The following CACUL1 variants were observed in gnomAD, a reference collection of about 807,000 sequenced individuals.
The protein encoded by CACUL1 is CDK2 associated cullin domain 1, also known as CDK2-associated and cullin domain-containing protein 1.
A neutral mutation model predicts 45.2 loss-of-function variants in CACUL1; 13 were observed. The ratio of observed to expected loss-of-function variants is 0.29; its 90% CI spans 0.19 to 0.46. The LOEUF is 0.46. Among genes scored for constraint, CACUL1 ranks in the 20% least tolerant of loss-of-function variants. CACUL1 has a pLI of 1.00. For synonymous variants in CACUL1, 197 were observed against 174.2 expected (o/e 1.13, Z -1.03); for missense variants, 421 against 471.4 (o/e 0.89, Z 0.99).
At chr10:118,723,423 C>A (rs1845620192) in intron 3 of CACUL1, among the ~76,000 whole-genome samples, 2 of 152,014 alleles carry the variant, frequency 1.3e-5, no homozygotes, top group South Asian at 4.1e-4. Context: ...TTCTTATATC[C>A]TAGAAGACAT....
chr10:118,686,732 C>T lies in CACUL1; in HGVS notation c.1026-91G>A, dbSNP rs1431612585. 3 of 912,214 alleles carry T rather than the reference C, an allele frequency of 3.3e-6. No individual in the cohort carries two copies. In the African/African-American group the frequency reaches 4.9e-5, roughly 15 times the overall value. The allele number at this position is 912,214 out of a possible 1,614,324, so 56.5% of individuals were successfully genotyped here. On this transcript the variant is annotated intron_variant, in intron 7 of 8. Coordinates refer to ENST00000369151, the MANE Select transcript of CACUL1 (RefSeq NM_153810.5). ...TATTTGATAATAAAAGTATAGCAGACATTTCAGTTCTAACCAAACCTATTT... is the reference window on the plus strand; with the variant it reads ...TATTTGATAATAAAAGTATAGCAGATATTTCAGTTCTAACCAAACCTATTT...
intron 4 of CACUL1, 63 bp downstream of exon 4, chr10:118,707,429 A>G (rs1845442826): frequency 2.7e-6 from 2 of 753,112 alleles, no homozygotes; most frequent in Admixed American, 2.3e-5. Flanking sequence ...AACTCTCTGC[A>G]TCTATTTGTG....
At chr10:118,728,470 T>C (rs1399654403) in intron 3 of CACUL1, among the ~76,000 whole-genome samples, 1 of 152,056 alleles carries the variant, frequency 6.6e-6, no homozygotes, top group Non-Finnish European at 1.5e-5. Flanking sequence ...TGTGCAATTT[T>C]AGTAGAGACG....
At chr10:118,743,024 T>C (rs1845806613) in intron 1 of CACUL1, among the ~76,000 whole-genome samples, 1 of 152,312 alleles carries the variant, frequency 6.6e-6, no homozygotes, top group East Asian at 1.9e-4. Context: ...TTCTAACAGT[T>C]TGCTTGGTTA....
In CACUL1 at chr10:118,695,265, A is replaced by T. The variant is rs747773011; in HGVS notation, c.797-35T>A. On this transcript the variant is annotated intron_variant, in intron 5 of 8. Transcript: ENST00000369151. ...GAAAACAGGTTAAAAAGAATGTAACACATATTGACTGTCAAGATTTCTCTA... is the reference window on the plus strand; with the variant it reads ...GAAAACAGGTTAAAAAGAATGTAACTCATATTGACTGTCAAGATTTCTCTA... The T allele has an allele frequency of 4.4e-6, 5 of 1,141,388 alleles. No individual in the cohort carries two copies. In the East Asian group the frequency reaches 1.2e-4, roughly 27 times the overall value. The allele number at this position is 1,141,388 out of a possible 1,614,324, so 70.7% of individuals were successfully genotyped here. A position where few individuals can be genotyped will look rare whatever the true frequency, so the allele number is the denominator to read the frequency against.
Position 118,685,953 on chromosome 10 carries a change from T to G in CACUL1, c.*175A>C. 1 of 417,270 alleles carries G rather than the reference T, an allele frequency of 2.4e-6. No individual in the cohort carries two copies. The highest frequency in any genetic ancestry group is 4.3e-6 in the Non-Finnish European group (1 of 231,942). 25.8% of individuals were successfully genotyped at this position (417,270 alleles called of 1,614,324 possible). ...CAAGTCTAGCAGCAACGTTTTTTTT[T>G]TTTTTAGTTTTTGTTTTAAAATTAC... On this transcript the variant is annotated 3_prime_UTR_variant, in exon 9 of 9. Transcript: ENST00000369151.
chr10:118,733,291 T>C (rs1344509701), intron 1 of CACUL1, among the ~76,000 whole-genome samples: 1 of 152,190 alleles, frequency 6.6e-6, no homozygotes, highest in East Asian at 1.9e-4. Flanking sequence ...GAAAAAGGCA[T>C]GTGTCACAGT....
chr10:118,746,451 T>C (rs1374348970), intron 1 of CACUL1, among the ~76,000 whole-genome samples: 1 of 152,100 alleles, frequency 6.6e-6, no homozygotes, highest in Non-Finnish European at 1.5e-5. Context: ...TATACAGACA[T>C]CAACTCATAA....
At chr10:118,712,514 G>T (rs918974706) in intron 3 of CACUL1, among the ~76,000 whole-genome samples, 4 of 152,228 alleles carry the variant, frequency 2.6e-5, no homozygotes, top group Admixed American at 2.6e-4. Flanking sequence ...AGTGGGTCCT[G>T]AGTTCTTGTC....
Position 118,686,104 on chromosome 10 carries a change from A to C in CACUL1, c.*24T>G. 1.3e-6 allele frequency: 2 copies of C among 1,594,540 alleles called. No homozygotes were observed. The highest frequency in any genetic ancestry group is 1.7e-6 in the Non-Finnish European group (2 of 1,162,290). On this transcript the variant is annotated 3_prime_UTR_variant, in exon 9 of 9. Coordinates refer to ENST00000369151, the MANE Select transcript of CACUL1 (RefSeq NM_153810.5). ...GCTCCAGTGTGTCCTCTTTTCAGGA[A>C]GGAAAGCATATTCAATACATTCACT...
intron 3 of CACUL1, among the ~76,000 whole-genome samples, chr10:118,724,665 G>A (rs1057410964): frequency 2.6e-5 from 4 of 152,174 alleles, no homozygotes; most frequent in Admixed American, 2.6e-4. Context: ...ACTGCAGGAA[G>A]ACAAACCAAT....
chr10:118,729,289 C>A lies in CACUL1; in HGVS notation c.597+6G>T. The A allele has an allele frequency of 6.2e-7, 1 of 1,606,038 alleles. No individual in the cohort carries two copies. The highest frequency in any genetic ancestry group is 8.5e-7 in the Non-Finnish European group (1 of 1,173,322). The stretch of plus-strand genomic sequence containing the variant: ...GAAGCAAAAATCAATACAATCAGTT[C>A]TTTACCTGCAGCTCCTTTGAGACTC... On this transcript the variant is annotated splice_donor_region_variant and intron_variant, in intron 3 of 8. Transcript: ENST00000369151.
At chr10:118,730,168 CACTT>C in intron 2 of CACUL1, 112 bp downstream of exon 2, 2 of 1,128,286 alleles carry the variant, frequency 1.8e-6, no homozygotes, top group Non-Finnish European at 2.6e-6. Context: ...ATACATAAAA[CACTT>C]ACAGAGCCTC....
intron 3 of CACUL1, among the ~76,000 whole-genome samples, chr10:118,712,957 A>G (rs1312159435): frequency 6.6e-6 from 1 of 152,176 alleles, no homozygotes; most frequent in African/African-American, 2.4e-5. Context: ...TTGAAGGTGG[A>G]GGCCTCACTG....
intron 1 of CACUL1, among the ~76,000 whole-genome samples, chr10:118,743,830 T>C (rs187892566): frequency 1.3e-5 from 2 of 152,250 alleles, no homozygotes; most frequent in Non-Finnish European, 2.9e-5. Context: ...TAGAATTCTA[T>C]ATCCAGCAAA....
At chr10:118,695,083 C>G in intron 6 of CACUL1, 58 bp downstream of exon 6, 1 of 1,070,728 alleles carries the variant, frequency 9.3e-7, no homozygotes, top group Middle Eastern at 2.0e-4. Context: ...AACCACTGCC[C>G]TCTTGGAAAA....
In CACUL1 at chr10:118,681,463, C is replaced by T. The variant is rs1845152220; in HGVS notation, c.*4665G>A. ...GCACTCTTCTAAGAGAATACCCAGTCTTAGTGCATTTAGTACATAGTCACA... is the reference window on the plus strand; with the variant it reads ...GCACTCTTCTAAGAGAATACCCAGTTTTAGTGCATTTAGTACATAGTCACA... On this transcript the variant is annotated 3_prime_UTR_variant, in exon 9 of 9. Coordinates refer to ENST00000369151, the MANE Select transcript of CACUL1 (RefSeq NM_153810.5). The T allele has an allele frequency of 6.6e-6, 1 of 152,166 alleles. No homozygotes were observed. Among genetic ancestry groups the T allele is most frequent in the Admixed American group, 6.5e-5 (1 of 15,276 alleles). 9.4% of individuals were successfully genotyped at this position (152,166 alleles called of 1,614,324 possible).
intron 3 of CACUL1, among the ~76,000 whole-genome samples, chr10:118,713,062 G>A (rs190527527): frequency 6.6e-6 from 1 of 152,338 alleles, no homozygotes; most frequent in Non-Finnish European, 1.5e-5. Flanking sequence ...GCAGGCCAGC[G>A]CCAAGCTGCC....
intron 1 of CACUL1, among the ~76,000 whole-genome samples, chr10:118,736,445 G>A (rs1457492777): frequency 6.6e-6 from 1 of 151,770 alleles, no homozygotes. Context: ...GAGTACAGTG[G>A]TGCAATCTCA....
Sources: allele counts gnomAD v4.1 joint callset (sites outside exome capture counted in the v4.1 genomes callset), GRCh38; gene constraint gnomAD v4.1.1; transcripts MANE v1.5; gene names NCBI Gene and HGNC (gene_info 2026-07-23, HGNC 2026-07-21).